The following KLC2 variants were observed in gnomAD, a reference collection of about 807,000 sequenced individuals.
The protein encoded by KLC2 is KLC 2.
KLC2 carries 35 observed loss-of-function variants against 75.1 expected under a neutral mutation model. That is an observed-to-expected ratio of 0.47 (90% CI 0.36 to 0.62). The LOEUF (loss-of-function observed/expected upper bound fraction) is 0.62. Among genes scored for constraint, KLC2 ranks in the 20% least tolerant of loss-of-function variants. The probability of loss-of-function intolerance (pLI) is 0.00; values close to 1 mark genes in which losing one functional copy is unlikely to be tolerated. For synonymous variants in KLC2, 314 were observed against 336.7 expected, an observed-to-expected ratio of 0.93 and a Z score of 0.74; for missense variants, 611 against 833.2, an observed-to-expected ratio of 0.73 and a Z score of 3.28.
chr11:66,250,026 TC>T, the KLC2 span, among the ~76,000 whole-genome samples: 1 of 151,936 alleles, frequency 6.6e-6, no homozygotes, highest in Non-Finnish European at 1.5e-5. Flanking sequence ...CTAGTTGCTT[TC>T]CCCCTGCCAT....
chr11:66,256,441 TTAGC>T (rs1429875380), upstream of KLC2, among the ~76,000 whole-genome samples: 1 of 152,064 alleles, frequency 6.6e-6, no homozygotes, highest in Non-Finnish European at 1.5e-5. Flanking sequence ...ATACAAAAAA[TTAGC>T]TAGGTGTGGT....
rs768688767 is a variant in KLC2 at position 66,267,321 on chromosome 11, C to T, written c.*365C>T. The T allele has an allele frequency of 1.2e-6, 1 of 819,884 alleles. No homozygotes were observed. The highest frequency in any genetic ancestry group is 1.4e-5 in the South Asian group (1 of 69,628). The allele number at this position is 819,884 out of a possible 1,614,324, so 50.8% of individuals were successfully genotyped here. A position where few individuals can be genotyped will look rare whatever the true frequency, so the allele number is the denominator to read the frequency against. On this transcript the variant is annotated 3_prime_UTR_variant, in exon 16 of 16. Coordinates refer to ENST00000394067, the MANE Select transcript of KLC2 (RefSeq NM_001318734.2). ...ACCCTCGCCCTCCCTCCCGACTCAA[C>T]CCGGCCGTTGCTTCTGTATATAGAG...
At chr11:66,266,278 C>T in intron 14 of KLC2, 61 bp downstream of exon 14, 1 of 1,550,800 alleles carries the variant, frequency 6.4e-7, no homozygotes, top group South Asian at 1.2e-5. Context: ...GAGCTCCTGA[C>T]CCAGAGTGTG....
At chr11:66,254,045 G>GT (rs1855984210), upstream of KLC2, among the ~76,000 whole-genome samples, 1 of 152,154 alleles carries the variant, frequency 6.6e-6, no homozygotes, top group Non-Finnish European at 1.5e-5. Flanking sequence ...GAGGTCAGGA[G>GT]TTTGAGACCA....
At chr11:66,245,445 C>T in the KLC2 span, among the ~76,000 whole-genome samples, 1 of 152,064 alleles carries the variant, frequency 6.6e-6, no homozygotes, top group Admixed American at 6.6e-5. Flanking sequence ...TGGCTGGGTG[C>T]GGTGGCTCAC....
intron 9 of KLC2, 199 bp downstream of exon 9, chr11:66,264,643 TGGCCTGCTA>T: frequency 3.3e-6 from 2 of 604,118 alleles, no homozygotes; most frequent in Non-Finnish European, 5.9e-6. Flanking sequence ...GCAGCCCCCT[TGGCCTGCTA>T]GGGCCTCACA....
At chr11:66,245,311 T>G in the KLC2 span, among the ~76,000 whole-genome samples, 3 of 152,242 alleles carry the variant, frequency 2.0e-5, no homozygotes, top group Non-Finnish European at 4.4e-5. Flanking sequence ...CCAGGCACAG[T>G]GGCTCACGCC....
At chr11:66,251,592 G>A in the KLC2 span, among the ~76,000 whole-genome samples, 1 of 148,892 alleles carries the variant, frequency 6.7e-6, no homozygotes, top group Admixed American at 6.7e-5. Flanking sequence ...GACCAACATG[G>A]TGAAACCCCG....
upstream of KLC2, among the ~76,000 whole-genome samples, chr11:66,252,696 G>A (rs890027543): frequency 2.6e-5 from 4 of 152,244 alleles, no homozygotes; most frequent in South Asian, 2.1e-4. Flanking sequence ...ATGGAGAAAC[G>A]CGGCTTTGAA....
chr11:66,264,043 C>G lies in KLC2; in HGVS notation c.943-3C>G. 6.2e-7 allele frequency: 1 copy of G among 1,608,288 alleles called. No homozygotes were observed. The highest frequency in any genetic ancestry group is 1.3e-5 in the African/African-American group (1 of 74,862). ...CAACCCCTGGCTCCCTCTCCCATCC[C>G]AGGTCCTGGGCAAGTTTCACCCAGA... On this transcript the variant is annotated splice_polypyrimidine_tract_variant and splice_region_variant and intron_variant, in intron 7 of 15. Transcript: ENST00000394067.
chr11:66,265,311 A>T, intron 11 of KLC2, 76 bp downstream of exon 11: 1 of 1,275,102 alleles, frequency 7.8e-7, no homozygotes, highest in Non-Finnish European at 1.1e-6. Flanking sequence ...CACCCCCAAC[A>T]CACCCCTCCT....
Position 66,267,077 on chromosome 11 carries a change from A to C in KLC2, c.*121A>C. The C allele has an allele frequency of 6.5e-7, 1 of 1,550,168 alleles. No individual in the cohort carries two copies. Among genetic ancestry groups the C allele is most frequent in the South Asian group, 1.2e-5 (1 of 84,334 alleles). On this transcript the variant is annotated 3_prime_UTR_variant, in exon 16 of 16. Coordinates refer to ENST00000394067, the MANE Select transcript of KLC2 (RefSeq NM_001318734.2). ...CCCACAGCCCCTGTCTTTTCTGTTC[A>C]ATCTCAGGGTAACCTTCTCCCTTGT...
At chr11:66,244,176 A>T in the KLC2 span, 2 of 151,838 alleles carry the variant, frequency 1.3e-5, no homozygotes, top group African/African-American at 4.8e-5. Context: ...ACTTGGAGAG[A>T]TGGGAGGCAG....
chr11:66,263,847 C>T lies in KLC2; in HGVS notation c.841-4C>T. The T allele has an allele frequency of 6.2e-7, 1 of 1,612,914 alleles. No individual in the cohort carries two copies. On this transcript the variant is annotated splice_polypyrimidine_tract_variant and splice_region_variant and intron_variant, in intron 6 of 15. Coordinates refer to ENST00000394067, the MANE Select transcript of KLC2 (RefSeq NM_001318734.2). ...TCAAGAAGCTTCCGTTCTCCCACCT[C>T]CAGGTGGCTGCGACACTAAACAACC...
the KLC2 span, among the ~76,000 whole-genome samples, chr11:66,249,827 A>G: frequency 1.3e-5 from 2 of 152,052 alleles, no homozygotes; most frequent in African/African-American, 4.8e-5. Context: ...ACCCGGACTC[A>G]TCCTGCGCCG....
At position 66,267,522 on chromosome 11, in the gene KLC2, G is replaced by C; in HGVS notation, c.*566G>C. On this transcript the variant is annotated 3_prime_UTR_variant, in exon 16 of 16. Transcript: ENST00000394067. The stretch of plus-strand genomic sequence containing the variant: ...CCCAAGGGGGTCCTGGGACCTTCTC[G>C]CGCTCCTCCTGGCCTCTGAGGGATG... The C allele has an allele frequency of 1.5e-6, 1 of 669,130 alleles. No individual in the cohort carries two copies. The highest frequency in any genetic ancestry group is 1.6e-5 in the South Asian group (1 of 60,804). The allele number at this position is 669,130 out of a possible 1,614,324, so 41.4% of individuals were successfully genotyped here.
Position 66,267,197 on chromosome 11 carries a change from C to G in KLC2, c.*241C>G. On this transcript the variant is annotated 3_prime_UTR_variant, in exon 16 of 16. Transcript: ENST00000394067. ...AGGGCCCTCTTCCCTAGGTTCGGGC[C>G]AGCAGGAGGTGCCGGCTGGAGTCTC... 1 of 1,549,594 alleles carries G rather than the reference C, an allele frequency of 6.5e-7. No individual in the cohort carries two copies. Among genetic ancestry groups the G allele is most frequent in the Non-Finnish European group, 8.7e-7 (1 of 1,146,284 alleles).
chr11:66,257,521 A>T (rs1856087935), upstream of KLC2: 1 of 152,024 alleles, frequency 6.6e-6, no homozygotes, highest in South Asian at 2.1e-4. Context: ...GAGCAGCTCC[A>T]CACGCTGAGG....
At position 66,264,382 on chromosome 11, in the gene KLC2, C is replaced by T. The variant is rs532282605; in HGVS notation, c.1154C>T (p.Ala385Val). The T allele has an allele frequency of 2.5e-6, 4 of 1,613,552 alleles. No homozygotes were observed. Among genetic ancestry groups the T allele is most frequent in the African/African-American group, 1.3e-5 (1 of 75,024 alleles). The change falls in exon 9 of 16, where the codon GCG becomes GTG. Residue 385 changes from alanine to valine, a missense_variant. Ala to Val is a moderately conservative substitution (Grantham distance 64). Coordinates refer to ENST00000394067, the MANE Select transcript of KLC2 (RefSeq NM_001318734.2). ...CYLKQGKYQD[A>V]ETLYKEILTR... ...CTGAAGCAGGGCAAGTACCAGGATG[C>T]GGAGACCTTGTACAAGGAGATCCTC...
Sources: allele counts gnomAD v4.1 joint callset (sites outside exome capture counted in the v4.1 genomes callset), GRCh38; gene constraint gnomAD v4.1.1; transcripts MANE v1.5; gene names NCBI Gene and HGNC (gene_info 2026-07-23, HGNC 2026-07-21).